The following CCDC180 variants were observed in gnomAD, a reference collection of about 807,000 sequenced individuals.
CCDC180 encodes coiled-coil domain containing 180.
A neutral mutation model predicts 209.2 loss-of-function variants in CCDC180; 154 were observed. The observed-to-expected ratio is 0.74, with a 90% CI of 0.65 to 0.84. The LOEUF is 0.84. Among genes scored for constraint, CCDC180 ranks in the 40% least tolerant of loss-of-function variants. The pLI is 0.00. For missense variants in CCDC180, 1,874 were observed against 1,997.3 expected, an observed-to-expected ratio of 0.94 and a Z score of 1.18; for synonymous variants, 778 against 749.1, an observed-to-expected ratio of 1.04 and a Z score of -0.63.
At chr9:97,353,725 A>T (rs944760999) in intron 22 of CCDC180, among the ~76,000 whole-genome samples, 1 of 152,180 alleles carries the variant, frequency 6.6e-6, no homozygotes, top group Non-Finnish European at 1.5e-5. Flanking sequence ...AATGTATGTG[A>T]AGTCTAGTTT....
chr9:97,366,837 T>A lies in CCDC180; in HGVS notation c.4189+137T>A. ...GCTTCCCTGTGAAAAGCTGACCTCT[T>A]AAAATTAGGTAAAAACAATAATCAG... On this transcript the variant is annotated intron_variant, in intron 31 of 36. Transcript: ENST00000529487. This position sits in a 1 kb window ranked among gnomAD's most constrained non-coding sequence, Gnocchi z 4.3. The A allele has an allele frequency of 3.6e-6, 3 of 835,110 alleles. No individual in the cohort carries two copies. Among genetic ancestry groups the A allele is most frequent in the South Asian group, 2.7e-5 (1 of 37,228 alleles). The allele number at this position is 835,110 out of a possible 1,614,324, so 51.7% of individuals were successfully genotyped here.
chr9:97,373,360 G>A (rs1019122446), intron 34 of CCDC180: 3 of 152,142 alleles, frequency 2.0e-5, no homozygotes, highest in African/African-American at 7.2e-5. Flanking sequence ...GTTCATTCCA[G>A]TAAAACAAGA....
intron 11 of CCDC180, among the ~76,000 whole-genome samples, chr9:97,321,636 C>T (rs1170766876): frequency 3.9e-5 from 6 of 152,246 alleles, no homozygotes; most frequent in African/African-American, 1.4e-4. Flanking sequence ...AGGCATTGTG[C>T]TGGGCCCTGG....
chr9:97,340,915 A>T (rs1826059370), intron 18 of CCDC180, among the ~76,000 whole-genome samples: 1 of 152,178 alleles, frequency 6.6e-6, no homozygotes, highest in South Asian at 2.1e-4. Context: ...TCTCCCTGTG[A>T]TGCTGTGCTT....
chr9:97,318,629 G>A (rs764091431), intron 10 of CCDC180, 47 bp downstream of exon 10: 1 of 1,600,180 alleles, frequency 6.2e-7, no homozygotes, highest in Non-Finnish European at 8.5e-7. Context: ...TTGGGGTGCA[G>A]TGAGGGAGGC....
At chr9:97,342,377 C>T (rs982364440) in intron 18 of CCDC180, among the ~76,000 whole-genome samples, 3 of 152,210 alleles carry the variant, frequency 2.0e-5, no homozygotes, top group Admixed American at 2.0e-4. Flanking sequence ...TGGTCTCAAA[C>T]TCATGACCTC....
In CCDC180 at chr9:97,330,591, AG is replaced by A. The variant is rs1158894592; in HGVS notation, c.2099del (p.Arg700LysfsTer5). 6.2e-7 allele frequency: 1 copy of A among 1,614,126 alleles called. No individual in the cohort carries two copies. Among genetic ancestry groups the A allele is most frequent in the Non-Finnish European group, 8.5e-7 (1 of 1,180,020 alleles). On this transcript the variant is annotated frameshift_variant, in exon 18 of 37. Coordinates refer to ENST00000529487, the MANE Select transcript of CCDC180 (RefSeq NM_020893.6). LOFTEE classifies it high-confidence loss of function. ...GGGACTGGAAGAAATGCAGGTTGAA[AG>A]AGAGGGCTCCTTAAACCCATCCCTG... ...IQGLEEMQVE[R>X]EGSLNPSLNE...
chr9:97,339,492 C>G (rs548590420), intron 18 of CCDC180, among the ~76,000 whole-genome samples: 1 of 146,170 alleles, frequency 6.8e-6, no homozygotes, highest in African/African-American at 2.6e-5. Flanking sequence ...GGCCCCCACT[C>G]TCTTCTGGCT....
At chr9:97,367,510 AGGCTGGAGTGCAGT>A (rs1826959104) in intron 31 of CCDC180, among the ~76,000 whole-genome samples, 1 of 145,640 alleles carries the variant, frequency 6.9e-6, no homozygotes, top group Non-Finnish European at 1.5e-5. Context: ...TCTGTTGCCC[AGGCTGGAGTGCAGT>A]GGCACGATCC....
At chr9:97,313,832 G>A (rs1198272711) in intron 5 of CCDC180, among the ~76,000 whole-genome samples, 1 of 152,150 alleles carries the variant, frequency 6.6e-6, no homozygotes, top group African/African-American at 2.4e-5. Context: ...TTCCCTAAAC[G>A]AGACCAGCCT....
Position 97,360,023 on chromosome 9 carries a change from G to A in CCDC180, c.3405G>A (p.Trp1135Ter). 6.2e-7 allele frequency: 1 copy of A among 1,613,772 alleles called. No individual in the cohort carries two copies. The highest frequency in any genetic ancestry group is 8.5e-7 in the Non-Finnish European group (1 of 1,179,860). The part of the protein sequence containing the change: ...TEELLSFVQT[W>*]KEKLSQRIQY... ...AACTCCTCAGCTTCGTCCAAACTTG[G>A]AAGGAAAAACTGAGCCAGAGGATTC... Residue 1135 changes from tryptophan to a stop codon, truncating the protein, a stop_gained, in exon 26 of 37, where the codon TGG becomes TGA. Coordinates refer to ENST00000529487, the MANE Select transcript of CCDC180 (RefSeq NM_020893.6). LOFTEE classifies it high-confidence loss of function.
intron 34 of CCDC180, chr9:97,373,092 T>C (rs1827149022): frequency 6.6e-6 from 1 of 152,206 alleles, no homozygotes; most frequent in African/African-American, 2.4e-5. Context: ...TTTAAATGAA[T>C]CTGTGTGAGA....
rs776488234 is a variant in CCDC180, at chr9:97,362,333, G to A, written c.3794G>A (p.Cys1265Tyr). The A allele has an allele frequency of 6.2e-7, 1 of 1,614,116 alleles. No homozygotes were observed. Among genetic ancestry groups the A allele is most frequent in the South Asian group, 1.1e-5 (1 of 91,076 alleles). ...GGAVCSPPVL[C>Y]SCPGPSSPKG... ...GCTGTGTGCTCACCTCCTGTCCTCT[G>A]CTCCTGTCCTGGGCCCTCGTCACCC... Residue 1265 changes from cysteine to tyrosine, a missense_variant, in exon 28 of 37, where the codon TGC (cysteine) becomes TAC (tyrosine). Transcript: ENST00000529487.
chr9:97,311,739 G>A (rs911765353), intron 3 of CCDC180, among the ~76,000 whole-genome samples: 6 of 152,224 alleles, frequency 3.9e-5, no homozygotes, highest in Non-Finnish European at 7.3e-5. Flanking sequence ...GAGCAAATGA[G>A]GATGCATGCC....
intron 10 of CCDC180, among the ~76,000 whole-genome samples, chr9:97,319,394 C>A (rs941500114): frequency 3.9e-5 from 6 of 152,054 alleles, no homozygotes; most frequent in Admixed American, 1.3e-4. Flanking sequence ...AGGTAAATCA[C>A]GTGTTGTGGG....
intron 32 of CCDC180, 79 bp from the exon 33 acceptor site, chr9:97,370,562 T>G: frequency 6.6e-7 from 1 of 1,522,888 alleles, no homozygotes; most frequent in Non-Finnish European, 9.0e-7. Flanking sequence ...CTGGCCATAA[T>G]CATAATTGAC....
chr9:97,357,789 G>A (rs1373817257), intron 25 of CCDC180, 64 bp downstream of exon 25: 7 of 1,334,582 alleles, frequency 5.2e-6, no homozygotes, highest in Admixed American at 1.9e-5. Flanking sequence ...TCATAAATGT[G>A]AAATAAATTT....
At position 97,360,988 on chromosome 9, in the gene CCDC180, G is replaced by A. The variant is rs150632360; in HGVS notation, c.3484-738G>A. On this transcript the variant is annotated intron_variant, in intron 26 of 36. Transcript: ENST00000529487. Reference sequence around the variant, plus strand: ...TCCATGGGGAGGCCCTTCCCACCATGCAGCCAGCACTAGGCATCCATCTCC... The same window carrying A: ...TCCATGGGGAGGCCCTTCCCACCATACAGCCAGCACTAGGCATCCATCTCC... Among the ~76,000 whole-genome samples the A allele has an allele frequency of 5.0e-3, 757 of 152,316 alleles. 4 individuals carry two copies. Among genetic ancestry groups the A allele is most frequent in the African/African-American group, 0.017 (717 of 41,578 alleles).
chr9:97,343,200 C>T (rs1402349934), intron 18 of CCDC180, 140 bp from the exon 19 acceptor site: 8 of 567,178 alleles, frequency 1.4e-5, no homozygotes, highest in Non-Finnish European at 1.9e-5. Context: ...GTGTGGGGGG[C>T]GAAAAAACCT....
Sources: allele counts gnomAD v4.1 joint callset (sites outside exome capture counted in the v4.1 genomes callset), GRCh38; gene constraint gnomAD v4.1.1; non-coding constraint Gnocchi (gnomAD v3.1); transcripts MANE v1.5; gene names NCBI Gene and HGNC (gene_info 2026-07-23, HGNC 2026-07-21).